Variants in NTRK2 observed in about 807,000 individuals in gnomAD.
NTRK2 encodes BDNF/NT-3 growth factors receptor.
In NTRK2, 13 loss-of-function variants were observed where a neutral mutation model predicts 94.5. That is an observed-to-expected ratio of 0.14 (90% CI 0.09 to 0.22). NTRK2 has a LOEUF of 0.22. Ranked by LOEUF, NTRK2 falls within the 10% of genes least tolerant of loss-of-function variation. The probability of loss-of-function intolerance (pLI) is 1.00; values close to 1 mark genes in which losing one functional copy is unlikely to be tolerated. For missense variants in NTRK2, 639 were observed against 1,071.2 expected (o/e 0.60, Z 5.63); for synonymous variants, 372 against 407.4 (o/e 0.91, Z 1.05).
intron 12 of NTRK2, chr9:84,813,257 G>A (rs201440066): frequency 2.2e-4 from 233 of 1,040,682 alleles, no homozygotes; most frequent in Non-Finnish European, 2.6e-4. Flanking sequence ...GTCCCCAGCC[G>A]CAGCCAACTG....
chr9:84,791,464 A>G (rs1035417282), intron 12 of NTRK2, among the ~76,000 whole-genome samples: 1 of 152,162 alleles, frequency 6.6e-6, no homozygotes, highest in Non-Finnish European at 1.5e-5. Context: ...CAGAACCCGC[A>G]GTGGTAAGGG....
At chr9:84,903,095 A>G (rs2076979515) in intron 14 of NTRK2, among the ~76,000 whole-genome samples, 1 of 152,236 alleles carries the variant, frequency 6.6e-6, no homozygotes, top group African/African-American at 2.4e-5. Flanking sequence ...ACACGTAACT[A>G]TTTTAATTTA....
chr9:84,721,704 CA>C (rs904041051), intron 6 of NTRK2, among the ~76,000 whole-genome samples: 11 of 151,958 alleles, frequency 7.2e-5, no homozygotes, highest in Non-Finnish European at 5.9e-5. Flanking sequence ...AGAGCAATAC[CA>C]AAAGAAGAAG....
chr9:84,958,630 A>G (rs914192663), intron 17 of NTRK2, among the ~76,000 whole-genome samples: 5 of 152,142 alleles, frequency 3.3e-5, no homozygotes, highest in African/African-American at 1.2e-4. Context: ...AGGATGAGGG[A>G]AAAGAACCAG....
intron 15 of NTRK2, among the ~76,000 whole-genome samples, chr9:84,945,654 G>T (rs559621140): frequency 3.3e-5 from 5 of 152,316 alleles, no homozygotes; most frequent in East Asian, 3.9e-4. Context: ...GGGTGGCACA[G>T]GGGCCATGTC....
intron 14 of NTRK2, among the ~76,000 whole-genome samples, chr9:84,913,094 TTGTTCTCTTTGA>T (rs756534712): frequency 1.3e-5 from 2 of 152,204 alleles, no homozygotes; most frequent in African/African-American, 2.4e-5. Flanking sequence ...TGTTTTCTGT[TTGTTCTCTTTGA>T]TTGTTGTTTT....
intron 9 of NTRK2, among the ~76,000 whole-genome samples, chr9:84,733,298 A>T (rs2063020550): frequency 1.3e-5 from 2 of 152,218 alleles, no homozygotes; most frequent in African/African-American, 4.8e-5. Context: ...TTCCAAGGAC[A>T]TAGGTCCAGT....
chr9:84,952,640 A>G (rs529101484), intron 16 of NTRK2, among the ~76,000 whole-genome samples: 1 of 152,324 alleles, frequency 6.6e-6, no homozygotes, highest in South Asian at 2.1e-4. Context: ...CTGCTCAGAG[A>G]AAGCATCCAG....
intron 9 of NTRK2, among the ~76,000 whole-genome samples, chr9:84,732,225 T>C (rs2062941304): frequency 6.6e-6 from 1 of 152,206 alleles, no homozygotes; most frequent in African/African-American, 2.4e-5. Context: ...TTCCATCATG[T>C]CTTTAAAATC....
chr9:84,730,365 A>G (rs1277659929), intron 9 of NTRK2, among the ~76,000 whole-genome samples: 1 of 152,158 alleles, frequency 6.6e-6, no homozygotes, highest in African/African-American at 2.4e-5. Flanking sequence ...CGTTGTGGGT[A>G]TTTATGAGAC....
intron 12 of NTRK2, among the ~76,000 whole-genome samples, chr9:84,846,055 A>G (rs180812942): frequency 6.6e-6 from 1 of 152,344 alleles, no homozygotes; most frequent in East Asian, 1.9e-4. Context: ...GAATAAGCCC[A>G]AGGACATAAA....
At chr9:84,711,067 A>G (rs1020438772) in intron 6 of NTRK2, among the ~76,000 whole-genome samples, 4 of 152,158 alleles carry the variant, frequency 2.6e-5, no homozygotes, top group African/African-American at 7.2e-5. Context: ...TTGTTTTTCC[A>G]TCTATCCATC....
chr9:84,828,635 T>C (rs1041896184), intron 12 of NTRK2, among the ~76,000 whole-genome samples: 2 of 152,230 alleles, frequency 1.3e-5, no homozygotes, highest in Non-Finnish European at 2.9e-5. Context: ...ATGATTTTTG[T>C]TTCTTTTAAA....
intron 14 of NTRK2, among the ~76,000 whole-genome samples, chr9:84,921,641 G>A (rs902537468): frequency 1.3e-5 from 2 of 152,138 alleles, no homozygotes; most frequent in Non-Finnish European, 2.9e-5. Flanking sequence ...AGCTATTCAG[G>A]AAAGTAGTGT....
intron 12 of NTRK2, among the ~76,000 whole-genome samples, chr9:84,769,024 C>T (rs979255365): frequency 2.0e-5 from 3 of 152,032 alleles, no homozygotes; most frequent in Admixed American, 6.6e-5. Context: ...CCAAGGCAGA[C>T]GAACGTGGAA....
chr9:84,694,939 A>G (rs2060273675), intron 2 of NTRK2, among the ~76,000 whole-genome samples: 2 of 151,690 alleles, frequency 1.3e-5, no homozygotes, highest in Admixed American at 1.3e-4. Context: ...GCACTTCAGG[A>G]GACCAAGGCG....
At chr9:85,004,033 G>GAAAGAA (rs1830634034) in intron 17 of NTRK2, among the ~76,000 whole-genome samples, 1 of 77,754 alleles carries the variant, frequency 1.3e-5, no homozygotes, top group African/African-American at 5.6e-5. Context: ...AAGAAAGAAA[G>GAAAGAA]AGAGAAAGAA....
At chr9:84,840,582 A>G (rs1477440641) in intron 12 of NTRK2, among the ~76,000 whole-genome samples, 2 of 151,580 alleles carry the variant, frequency 1.3e-5, no homozygotes, top group African/African-American at 4.9e-5. Context: ...GCAGCGTTAC[A>G]TTTTCTTCTG....
chr9:85,024,816 A>G lies in NTRK2; in HGVS notation c.*3379A>G, dbSNP rs115710491. The G allele has an allele frequency of 4.3e-6, 1 of 233,090 alleles. No individual in the cohort carries two copies. Among genetic ancestry groups the G allele is most frequent in the African/African-American group, 2.2e-5 (1 of 45,484 alleles). 14.4% of individuals were successfully genotyped at this position (233,090 alleles called of 1,614,324 possible). On this transcript the variant is annotated 3_prime_UTR_variant, in exon 19 of 19. Transcript: ENST00000277120. ...ATGTCATAATCAGGCTTATTTAGAA[A>G]ACACTTTGAACTATGCTATAAAAGA...
Sources: gnomAD v4.1 joint callset for allele counts (sites outside exome capture counted in the v4.1 genomes callset) on GRCh38, gnomAD v4.1.1 for gene constraint, MANE v1.5 for transcripts, NCBI Gene and HGNC (gene_info 2026-07-23, HGNC 2026-07-21) for gene names.